Variants in NCOA3 observed in about 807,000 individuals in gnomAD.
NCOA3 encodes the protein CBP-interacting protein.
A neutral mutation model predicts 158.8 loss-of-function variants in NCOA3; 51 were observed. The ratio of observed to expected loss-of-function variants is 0.32; its 90% CI spans 0.26 to 0.41. The LOEUF is 0.41. NCOA3 is among the 10% of genes least tolerant of loss of function. The pLI is 1.00. For synonymous variants in NCOA3, 537 were observed against 592.4 expected (o/e 0.91, Z 1.36); for missense variants, 1,510 against 1,746.6 (o/e 0.86, Z 2.41).
intron 1 of NCOA3, among the ~76,000 whole-genome samples, chr20:47,535,145 C>G (rs1203530885): frequency 6.6e-6 from 1 of 152,096 alleles, no homozygotes; most frequent in Admixed American, 6.5e-5. Context: ...ACTGCAGCCT[C>G]AAACTCCTGG....
intron 1 of NCOA3, among the ~76,000 whole-genome samples, chr20:47,558,637 C>T (rs1183094281): frequency 6.6e-6 from 1 of 152,064 alleles, no homozygotes; most frequent in Non-Finnish European, 1.5e-5. Context: ...GCCAGATTGT[C>T]TAATGTCAGT....
rs1485661563 is a variant in NCOA3, at chr20:47,639,092, C to T, written c.2597C>T (p.Ser866Leu). The T allele has an allele frequency of 2.5e-6, 4 of 1,614,042 alleles. No homozygotes were observed. The Admixed American group carries it at 6.7e-5, about 27-fold the overall frequency. Reference protein sequence around the residue: ...VSLDSPVSVGSSPPVKNISAF... With the variant: ...VSLDSPVSVGLSPPVKNISAF... ...CTGGATAGCCCTGTTTCTGTTGGCT[C>T]AAGTCCTCCAGTAAAAAATATCAGT... Residue 866 changes from serine (S) to leucine (L), a missense_variant, in exon 14 of 23, where the codon TCA becomes TTA. By Grantham distance (145) the Ser-to-Leu change is moderately radical. Transcript: ENST00000371998.
chr20:47,639,295 C>CG, intron 14 of NCOA3, 93 bp downstream of exon 14: 1 of 1,115,000 alleles, frequency 9.0e-7, no homozygotes, highest in Non-Finnish European at 1.3e-6. Flanking sequence ...TAAATAATAA[C>CG]TTTTTGAATA....
intron 2 of NCOA3, 72 bp from the exon 3 acceptor site, chr20:47,622,157 T>A (rs758474559): frequency 2.7e-6 from 2 of 738,726 alleles, no homozygotes; most frequent in Non-Finnish European, 2.3e-6. Flanking sequence ...AGTCATTCAG[T>A]CATATAACAC....
chr20:47,551,905 T>G (rs2084932419), intron 1 of NCOA3, among the ~76,000 whole-genome samples: 1 of 152,192 alleles, frequency 6.6e-6, no homozygotes, highest in Non-Finnish European at 1.5e-5. Flanking sequence ...AAAAGTAAAT[T>G]GTTAGGTTTT....
At chr20:47,508,098 C>T (rs762281110) in intron 1 of NCOA3, among the ~76,000 whole-genome samples, 2 of 151,902 alleles carry the variant, frequency 1.3e-5, no homozygotes, top group Non-Finnish European at 2.9e-5. Context: ...GTGATACTAT[C>T]CATATAAATA....
intron 1 of NCOA3, among the ~76,000 whole-genome samples, chr20:47,582,967 G>GT (rs1442150556): frequency 6.6e-6 from 1 of 152,056 alleles, no homozygotes; most frequent in East Asian, 1.9e-4. Flanking sequence ...GCTAATTTCT[G>GT]TATTTTTAGT....
At position 47,520,610 on chromosome 20, in the gene NCOA3, A is replaced by G. The variant is rs72661188; in HGVS notation, c.-99+18591A>G. 2.9e-3 allele frequency among the ~76,000 whole-genome samples: 442 copies of G among 149,934 alleles called. 7 individuals carry two copies. The highest frequency in any genetic ancestry group is 0.025 in the Admixed American group (376 of 15,204). On this transcript the variant is annotated intron_variant, in intron 1 of 22. Transcript: ENST00000371998. ...GAAGACTCAACCTCTCAAACCAGGG[A>G]TGTCTTGCCTTGCCTGCCCTGGAAG... is the stretch of plus-strand genomic sequence containing the variant.
chr20:47,632,534 C>T lies in NCOA3; in HGVS notation c.824-962C>T, dbSNP rs375397436. Among the ~76,000 whole-genome samples the T allele has an allele frequency of 5.1e-4, 78 of 151,930 alleles. 1 individual carries two copies. In the Middle Eastern group the frequency reaches 0.01, roughly 20 times the overall value. ...TCCCAAGTAGCTGGGATTACAGGTA[C>T]GCACCACCACGCCCAGCTAAGTTTT... is the stretch of plus-strand genomic sequence containing the variant. On this transcript the variant is annotated intron_variant, in intron 8 of 22. Transcript: ENST00000371998.
At chr20:47,595,163 A>G (rs1003688436) in intron 2 of NCOA3, among the ~76,000 whole-genome samples, 4 of 147,624 alleles carry the variant, frequency 2.7e-5, no homozygotes, top group Non-Finnish European at 4.5e-5. Flanking sequence ...CAGCGGCGCC[A>G]TCTCGGCTCA....
chr20:47,653,238 A>G lies in NCOA3; in HGVS notation c.4263+166A>G, dbSNP rs564420174. ...GTTTGAAGGCATTGGGCCATTAGAT[A>G]CTTTTGGTAAGCCAGAGCTGCATTG... On this transcript the variant is annotated intron_variant, in intron 22 of 22. Coordinates refer to ENST00000371998, the MANE Select transcript of NCOA3 (RefSeq NM_181659.3). Among the ~76,000 whole-genome samples the G allele has an allele frequency of 2.9e-4, 44 of 152,328 alleles. 1 individual carries two copies. In the South Asian group the frequency reaches 8.9e-3, roughly 31 times the overall value.
At chr20:47,587,862 T>C (rs1367624003) in intron 2 of NCOA3, among the ~76,000 whole-genome samples, 7 of 152,238 alleles carry the variant, frequency 4.6e-5, no homozygotes, top group Admixed American at 4.6e-4. Flanking sequence ...CAGGGTTCTT[T>C]GTACTTCATT....
intron 12 of NCOA3, among the ~76,000 whole-genome samples, 164 bp from the exon 13 acceptor site, chr20:47,637,484 A>G (rs1192534423): frequency 1.3e-5 from 2 of 152,230 alleles, no homozygotes; most frequent in African/African-American, 4.8e-5. Context: ...GGAAGATTAG[A>G]GATGGGGGTC....
At position 47,642,335 on chromosome 20, in the gene NCOA3, G is replaced by A. The variant is rs1328250517; in HGVS notation, c.3203G>A (p.Gly1068Asp). 2 of 1,610,644 alleles carry A rather than the reference G, an allele frequency of 1.2e-6. No homozygotes were observed. Among genetic ancestry groups the A allele is most frequent in the Admixed American group, 1.7e-5 (1 of 58,794 alleles). The change falls in exon 17 of 23, where the codon GGC (glycine) becomes GAC (aspartate). Residue 1068 changes from glycine to aspartate, a missense_variant. By Grantham distance (94) the Gly-to-Asp change is moderately conservative. This residue lies in a region of NCOA3 where 1,017 missense variants were observed against 1,098.3 expected (regional missense o/e 0.93). Transcript: ENST00000371998. ...CTTCTCAGCAACACAGATGCCACAG[G>A]CCTGGAAGAAATTGACAGAGCTTTG... ...HTLLSNTDAT[G>D]LEEIDRALGI...
chr20:47,514,676 G>C (rs2084202650), intron 1 of NCOA3, among the ~76,000 whole-genome samples: 1 of 148,102 alleles, frequency 6.8e-6, no homozygotes, highest in African/African-American at 2.5e-5. Context: ...TCACAGGTGT[G>C]CTGTTTTTTT....
chr20:47,619,080 A>G (rs2086193209), intron 2 of NCOA3, among the ~76,000 whole-genome samples: 1 of 152,224 alleles, frequency 6.6e-6, no homozygotes, highest in African/African-American at 2.4e-5. Flanking sequence ...AGTAGGTTGA[A>G]TGTTGCTTTT....
chr20:47,558,230 G>GTTT (rs1169500513), intron 1 of NCOA3, among the ~76,000 whole-genome samples: 2 of 45,548 alleles, frequency 4.4e-5, no homozygotes, highest in African/African-American at 1.8e-4. Flanking sequence ...AGCTAATTTT[G>GTTT]TATTTTTTTT....
At chr20:47,580,936 AC>A (rs1177121680) in intron 1 of NCOA3, among the ~76,000 whole-genome samples, 1 of 152,098 alleles carries the variant, frequency 6.6e-6, no homozygotes, top group Non-Finnish European at 1.5e-5. Context: ...CCCTGTCTCT[AC>A]AAAAAATATA....
At chr20:47,640,077 A>G in intron 16 of NCOA3, 26 bp downstream of exon 16, 1 of 1,613,870 alleles carries the variant, frequency 6.2e-7, no homozygotes, top group South Asian at 1.1e-5. Context: ...GTGACTCTGT[A>G]GAAAATCTCA....
Sources: allele counts gnomAD v4.1 joint callset (sites outside exome capture counted in the v4.1 genomes callset), GRCh38; gene constraint gnomAD v4.1.1; regional missense constraint gnomAD v4.1.1; transcripts MANE v1.5; gene names NCBI Gene and HGNC (gene_info 2026-07-23, HGNC 2026-07-21).